Variants in FAM81A observed in about 807,000 individuals in gnomAD.
FAM81A encodes family with sequence similarity 81 member A, also known as protein FAM81A.
In FAM81A, 19 loss-of-function variants were observed where a neutral mutation model predicts 46.7. The ratio of observed to expected loss-of-function variants is 0.41; its 90% CI spans 0.28 to 0.60. FAM81A has a LOEUF of 0.60. Ranked by LOEUF, FAM81A falls within the 20% of genes least tolerant of loss-of-function variation. The pLI, the probability that FAM81A is intolerant of heterozygous loss-of-function variation, is 0.34. For synonymous variants in FAM81A, 183 were observed against 152.9 expected (o/e 1.20, Z -1.45); for missense variants, 377 against 453.5 (o/e 0.83, Z 1.53).
At chr15:59,445,788 A>AT (rs1193279299) in intron 1 of FAM81A, among the ~76,000 whole-genome samples, 5 of 152,098 alleles carry the variant, frequency 3.3e-5, no homozygotes, top group Admixed American at 1.3e-4. Context: ...TTTTAATAAT[A>AT]TTTTTTCTCT....
At chr15:59,431,971 G>C (rs1232326833) in intron 2 of FAM81A, among the ~76,000 whole-genome samples, 2 of 152,016 alleles carry the variant, frequency 1.3e-5, no homozygotes, top group Non-Finnish European at 2.9e-5. Flanking sequence ...TTCAAATATG[G>C]GAGGGAAAAC....
upstream of FAM81A, among the ~76,000 whole-genome samples, chr15:59,435,656 T>G (rs1443425692): frequency 2.0e-5 from 3 of 152,194 alleles, no homozygotes; most frequent in Non-Finnish European, 4.4e-5. Flanking sequence ...CCATGGTGTC[T>G]AGCATAATAT....
chr15:59,513,373 G>A (rs2141834089), intron 6 of FAM81A, among the ~76,000 whole-genome samples: 1 of 152,338 alleles, frequency 6.6e-6, no homozygotes, highest in South Asian at 2.1e-4. Context: ...AAGAGGAGAT[G>A]AGAGACACTG....
chr15:59,435,525 CAG>C (rs1209387002), upstream of FAM81A, among the ~76,000 whole-genome samples: 3 of 152,144 alleles, frequency 2.0e-5, no homozygotes, highest in Admixed American at 6.5e-5. Flanking sequence ...GAAGCTGAGA[CAG>C]GAGAATCACC....
chr15:59,514,540 T>G, intron 7 of FAM81A, 116 bp downstream of exon 7: 1 of 1,279,006 alleles, frequency 7.8e-7, no homozygotes, highest in East Asian at 2.4e-5. Context: ...GTTTCTTGCC[T>G]TAAAATCCAT....
chr15:59,508,931 C>T lies in FAM81A; in HGVS notation c.612C>T (p.His204=), dbSNP rs1467992119. 2 of 1,613,192 alleles carry T rather than the reference C, an allele frequency of 1.2e-6. No homozygotes were observed. Among genetic ancestry groups the T allele is most frequent in the Admixed American group, 1.7e-5 (1 of 60,016 alleles). Residue 204 remains histidine, a synonymous_variant, in exon 6 of 9, where the codon CAC becomes CAT. Coordinates refer to ENST00000288228, the MANE Select transcript of FAM81A (RefSeq NM_152450.3). ...SEQSTKLKMS[H]RDSNHQLQLL... is the part of the protein sequence containing the mutation. ...AGAGCACCAAACTGAAGATGTCTCA[C>T]AGAGACAGTAACCACCAGCTTCAGC...
chr15:59,399,551 C>T (rs1483588744), intron 1 of FAM81A, among the ~76,000 whole-genome samples: 1 of 152,030 alleles, frequency 6.6e-6, no homozygotes, highest in Non-Finnish European at 1.5e-5. Flanking sequence ...GCTGAAGAAC[C>T]CATGCAGATG....
At chr15:59,477,136 A>G (rs978541875) in intron 3 of FAM81A, among the ~76,000 whole-genome samples, 1 of 151,884 alleles carries the variant, frequency 6.6e-6, no homozygotes, top group African/African-American at 2.4e-5. Flanking sequence ...AAAAAAAGCA[A>G]AAACAAACAG....
At chr15:59,496,331 G>C (rs760079995) in intron 4 of FAM81A, among the ~76,000 whole-genome samples, 5 of 152,208 alleles carry the variant, frequency 3.3e-5, no homozygotes, top group Admixed American at 6.5e-5. Flanking sequence ...TGGCGGCCGG[G>C]AGCGGTGGCT....
intron 3 of FAM81A, among the ~76,000 whole-genome samples, chr15:59,483,483 A>T (rs2081879980): frequency 6.6e-6 from 1 of 152,196 alleles, no homozygotes; most frequent in Non-Finnish European, 1.5e-5. Context: ...TATGTATGTT[A>T]TACTTCAAAA....
At chr15:59,493,097 A>G (rs1310230919) in intron 4 of FAM81A, among the ~76,000 whole-genome samples, 3 of 152,184 alleles carry the variant, frequency 2.0e-5, no homozygotes, top group Non-Finnish European at 4.4e-5. Flanking sequence ...ACATTAATGC[A>G]TATCAGCACC....
At position 59,416,110 on chromosome 15, in the gene FAM81A, T is replaced by C. The variant is rs539744158; in HGVS notation, c.-78+13752T>C. On this transcript the variant is annotated intron_variant, in intron 2 of 4. Transcript: ENST00000558348. ...GAATCCCCATATCTCCTGGACTTGG[T>C]TGGGTTTCCCTCAAAGGAGATCCTG... Among the ~76,000 whole-genome samples, 9 of 152,332 alleles carry C rather than the reference T, an allele frequency of 5.9e-5. No homozygotes were observed. In the East Asian group the frequency reaches 1.4e-3, roughly 23 times the overall value.
intron 3 of FAM81A, among the ~76,000 whole-genome samples, chr15:59,487,828 G>A (rs1172829693): frequency 6.6e-6 from 1 of 152,126 alleles, no homozygotes; most frequent in Non-Finnish European, 1.5e-5. Flanking sequence ...CACATTTAAA[G>A]AGAATTAATA....
At chr15:59,514,944 C>T (rs773962010) in intron 7 of FAM81A, among the ~76,000 whole-genome samples, 3 of 152,088 alleles carry the variant, frequency 2.0e-5, no homozygotes, top group Non-Finnish European at 2.9e-5. Flanking sequence ...TGCTCAAAAA[C>T]GATATCAAGA....
intron 2 of FAM81A, among the ~76,000 whole-genome samples, chr15:59,415,876 T>A (rs1331631562): frequency 6.6e-6 from 1 of 152,148 alleles, no homozygotes; most frequent in Non-Finnish European, 1.5e-5. Flanking sequence ...TATCAATGAT[T>A]TGTTGTTAAG....
intron 2 of FAM81A, among the ~76,000 whole-genome samples, chr15:59,418,139 G>A (rs1407780800): frequency 2.6e-5 from 4 of 152,100 alleles, no homozygotes; most frequent in East Asian, 1.9e-4. Flanking sequence ...TAACTTTGTC[G>A]GGAAGACAAG....
chr15:59,452,084 A>G (rs1350923297), intron 1 of FAM81A, among the ~76,000 whole-genome samples: 2 of 152,128 alleles, frequency 1.3e-5, no homozygotes, highest in African/African-American at 4.8e-5. Flanking sequence ...AGTGTCTTGG[A>G]TCATTTTTGT....
intron 1 of FAM81A, chr15:59,401,573 T>A (rs1189113977): frequency 1.1e-5 from 9 of 803,740 alleles, no homozygotes; most frequent in Non-Finnish European, 2.0e-5. Context: ...CCATGCCTTC[T>A]TCTTTCTCTT....
chr15:59,433,880 G>C (rs1047707139), upstream of FAM81A, among the ~76,000 whole-genome samples: 2 of 152,132 alleles, frequency 1.3e-5, no homozygotes, highest in Non-Finnish European at 2.9e-5. Flanking sequence ...GGGACCTTTT[G>C]AGTCTCACTC....
Sources: gnomAD v4.1 joint callset for allele counts (sites outside exome capture counted in the v4.1 genomes callset) on GRCh38, gnomAD v4.1.1 for gene constraint, MANE v1.5 for transcripts, NCBI Gene and HGNC (gene_info 2026-07-23, HGNC 2026-07-21) for gene names.